PTPRO: variants seen among roughly 807,000 people sequenced by gnomAD.
PTPRO encodes receptor-type tyrosine-protein phosphatase O.
Under a neutral mutation model 145.2 loss-of-function variants are expected in PTPRO, and 62 were observed. That is an observed-to-expected ratio of 0.43 (90% CI 0.35 to 0.53). PTPRO has a LOEUF of 0.53. PTPRO is among the 20% of genes least tolerant of loss of function. The pLI is 0.01. For missense variants in PTPRO, 1,345 were observed against 1,482.7 expected (o/e 0.91, Z 1.53); for synonymous variants, 565 against 514.7 (o/e 1.10, Z -1.32).
chr12:15,573,500 ATTC>A (rs1450348410), intron 19 of PTPRO, among the ~76,000 whole-genome samples: 1 of 152,194 alleles, frequency 6.6e-6, no homozygotes, highest in African/African-American at 2.4e-5. Context: ...ATTGTTATTT[ATTC>A]TGATGCTCTC....
intron 1 of PTPRO, among the ~76,000 whole-genome samples, chr12:15,480,747 A>T (rs1364582097): frequency 6.6e-6 from 1 of 151,536 alleles, no homozygotes; most frequent in African/African-American, 2.4e-5. Flanking sequence ...GGATGGATGG[A>T]TGGATGGATG....
At chr12:15,366,656 G>C (rs180927958) in intron 1 of PTPRO, among the ~76,000 whole-genome samples, 110 of 152,238 alleles carry the variant, frequency 7.2e-4, no homozygotes, top group African/African-American at 2.3e-3. Context: ...TGAGTTTGAG[G>C]TGTACTTGTT....
chr12:15,469,485 C>T (rs963832948), intron 1 of PTPRO, among the ~76,000 whole-genome samples: 3 of 151,998 alleles, frequency 2.0e-5, no homozygotes, highest in Non-Finnish European at 4.4e-5. Flanking sequence ...GGTTGTGGGC[C>T]GACCCCCTAC....
At chr12:15,564,123 A>G (rs1370336409) in intron 17 of PTPRO, among the ~76,000 whole-genome samples, 1 of 152,186 alleles carries the variant, frequency 6.6e-6, no homozygotes, top group Admixed American at 6.5e-5. Flanking sequence ...TTCCCTCTAA[A>G]TCTCAAGTGT....
intron 1 of PTPRO, among the ~76,000 whole-genome samples, chr12:15,441,526 A>T (rs1044025757): frequency 6.6e-6 from 1 of 152,170 alleles, no homozygotes; most frequent in African/African-American, 2.4e-5. Flanking sequence ...TTGAGAATCA[A>T]ATTGAGACCC....
At chr12:15,524,742 T>A in intron 10 of PTPRO, 72 bp from the exon 11 acceptor site, 2 of 1,504,068 alleles carry the variant, frequency 1.3e-6, no homozygotes, top group Non-Finnish European at 1.8e-6. Flanking sequence ...TATATGGGAT[T>A]TCATGCTCTG....
intron 5 of PTPRO, among the ~76,000 whole-genome samples, 194 bp from the exon 6 acceptor site, chr12:15,503,714 T>C (rs1942265261): frequency 6.6e-6 from 1 of 152,160 alleles, no homozygotes; most frequent in South Asian, 2.1e-4. Flanking sequence ...GTTTTGTTAT[T>C]TGGAAGACTG....
chr12:15,376,363 TC>T lies in PTPRO; in HGVS notation c.75+53563del, dbSNP rs1370812744. Among the ~76,000 whole-genome samples, 4 of 152,276 alleles carry T rather than the reference TC, an allele frequency of 2.6e-5. 1 individual carries two copies. The highest frequency in any genetic ancestry group is 9.6e-5 in the African/African-American group (4 of 41,554). ...ATTCTATATTCAGCAAAACTATCTTTCAAAAATGAAGGAGAGATTGAGATAT... is the reference window on the plus strand; with the variant it reads ...ATTCTATATTCAGCAAAACTATCTTTAAAAATGAAGGAGAGATTGAGATAT... On this transcript the variant is annotated intron_variant, in intron 1 of 26. Transcript: ENST00000281171.
chr12:15,365,809 A>G (rs1938342688), intron 1 of PTPRO, among the ~76,000 whole-genome samples: 1 of 152,138 alleles, frequency 6.6e-6, no homozygotes, highest in Non-Finnish European at 1.5e-5. Flanking sequence ...TGGGTCAGTG[A>G]ACACCCATCC....
intron 1 of PTPRO, among the ~76,000 whole-genome samples, chr12:15,458,861 T>G (rs950172667): frequency 6.6e-6 from 1 of 152,150 alleles, no homozygotes; most frequent in African/African-American, 2.4e-5. Flanking sequence ...AATCTTGTAC[T>G]TTGTTTTGGA....
At chr12:15,482,754 C>T (rs1011065170) in intron 1 of PTPRO, among the ~76,000 whole-genome samples, 2 of 152,036 alleles carry the variant, frequency 1.3e-5, no homozygotes, top group African/African-American at 4.8e-5. Flanking sequence ...TCAGCCATTC[C>T]TTCACTGATG....
At chr12:15,506,187 A>T (rs1942317242) in intron 6 of PTPRO, among the ~76,000 whole-genome samples, 1 of 152,128 alleles carries the variant, frequency 6.6e-6, no homozygotes, top group South Asian at 2.1e-4. Flanking sequence ...CTGTGCCCCC[A>T]CTACACTAGT....
At chr12:15,457,474 C>G (rs1941205842) in intron 1 of PTPRO, among the ~76,000 whole-genome samples, 1 of 152,078 alleles carries the variant, frequency 6.6e-6, no homozygotes, top group Non-Finnish European at 1.5e-5. Context: ...GAGTTTAATC[C>G]ATTTACCTTT....
intron 1 of PTPRO, among the ~76,000 whole-genome samples, chr12:15,334,178 C>T (rs1342539687): frequency 6.6e-6 from 1 of 152,068 alleles, no homozygotes; most frequent in African/African-American, 2.4e-5. Flanking sequence ...AAACTTAAAA[C>T]TTTTATGATT....
intron 1 of PTPRO, among the ~76,000 whole-genome samples, chr12:15,437,970 C>T (rs1010323596): frequency 1.3e-5 from 2 of 152,182 alleles, no homozygotes; most frequent in Non-Finnish European, 2.9e-5. Flanking sequence ...GCCTGGGCAA[C>T]AGAGAACTTC....
intron 1 of PTPRO, among the ~76,000 whole-genome samples, chr12:15,373,942 G>T (rs893339327): frequency 1.6e-4 from 24 of 152,082 alleles, no homozygotes; most frequent in African/African-American, 5.8e-4. Flanking sequence ...CGTGGTATGG[G>T]TCTCTATCTT....
At chr12:15,559,733 C>T (rs1943724456) in intron 16 of PTPRO, among the ~76,000 whole-genome samples, 4 of 152,062 alleles carry the variant, frequency 2.6e-5, no homozygotes, top group Non-Finnish European at 5.9e-5. Context: ...TAGTCTTCAC[C>T]GGAATCAGTA....
At chr12:15,406,960 T>C (rs758432258) in intron 1 of PTPRO, among the ~76,000 whole-genome samples, 1 of 152,242 alleles carries the variant, frequency 6.6e-6, no homozygotes, top group African/African-American at 2.4e-5. Flanking sequence ...AATAGTATAA[T>C]GCTGATGAAA....
At chr12:15,494,703 A>T (rs897205914) in intron 2 of PTPRO, among the ~76,000 whole-genome samples, 2 of 152,208 alleles carry the variant, frequency 1.3e-5, no homozygotes, top group African/African-American at 4.8e-5. Context: ...ATTGGAAAAT[A>T]AAATATCTGT....
Sources: gnomAD v4.1 joint callset for allele counts (sites outside exome capture counted in the v4.1 genomes callset) on GRCh38, gnomAD v4.1.1 for gene constraint, MANE v1.5 for transcripts, NCBI Gene and HGNC (gene_info 2026-07-23, HGNC 2026-07-21) for gene names.